CAPN10: variants seen among roughly 807,000 people sequenced by gnomAD.
The protein encoded by CAPN10 is calpain 10.
Under a neutral mutation model 78.4 loss-of-function variants are expected in CAPN10, and 71 were observed. The ratio of observed to expected loss-of-function variants is 0.91; its 90% CI spans 0.75 to 1.10. CAPN10 has a LOEUF of 1.10. CAPN10 is among the 50% of genes least tolerant of loss of function. CAPN10 has a pLI of 0.00. For missense variants in CAPN10, 849 were observed against 924.6 expected (o/e 0.92, Z 1.06); for synonymous variants, 437 against 407.2 (o/e 1.07, Z -0.88).
chr2:240,592,616 G>T (rs1021017715), intron 4 of CAPN10: 5 of 404,176 alleles, frequency 1.2e-5, no homozygotes, highest in Non-Finnish European at 2.5e-5. Flanking sequence ...CAAGAGACCC[G>T]CCTGGGCAAC....
rs1297865213 is a variant in CAPN10, at chr2:240,598,772, G to C, written c.*92G>C. ...GGCCGGCCAGCCTTGCACTGTGGGG[G>C]CTGGTCCTGAGTCTTGGCCTGCCTC... is the stretch of plus-strand genomic sequence containing the variant. On this transcript the variant is annotated 3_prime_UTR_variant, in exon 12 of 12. Coordinates refer to ENST00000391984, the MANE Select transcript of CAPN10 (RefSeq NM_023083.4). 1.3e-5 allele frequency: 16 copies of C among 1,263,800 alleles called. No homozygotes were observed. Among genetic ancestry groups the C allele is most frequent in the Non-Finnish European group, 1.7e-5 (15 of 886,774 alleles). The allele number at this position is 1,263,800 out of a possible 1,614,324, so 78.3% of individuals were successfully genotyped here. A position where few individuals can be genotyped will look rare whatever the true frequency, so the allele number is the denominator to read the frequency against.
chr2:240,590,590 T>G (rs1298839620), intron 2 of CAPN10: 1 of 521,876 alleles, frequency 1.9e-6, no homozygotes, highest in African/African-American at 1.9e-5. Context: ...GACATCCAGG[T>G]GTGCCGTAGA....
At position 240,596,697 on chromosome 2, in the gene CAPN10, G is replaced by T. The variant is rs201527381; in HGVS notation, c.1498G>T (p.Ala500Ser). ...RVSLSAIRAV[A>S]KNTTPGAALP... is the part of the protein sequence containing the mutation. The stretch of plus-strand genomic sequence containing the variant: ...TCTTGGCAGCGCCATCAGGGCAGTG[G>T]CCAAGAACACCACCCCCGGGGCAGC... The change falls in exon 9 of 12, where the codon GCC becomes TCC. Residue 500 changes from alanine to serine, a missense_variant. Physicochemically the swap from Ala to Ser is moderately conservative, Grantham distance 99 (BLOSUM62 1). Transcript: ENST00000391984. 6.4e-7 allele frequency: 1 copy of T among 1,557,626 alleles called. No individual in the cohort carries two copies. Among genetic ancestry groups the T allele is most frequent in the Non-Finnish European group, 8.7e-7 (1 of 1,151,290 alleles).
In CAPN10 at chr2:240,596,930, C is replaced by G. The variant is rs746714617; in HGVS notation, c.1731C>G (p.Phe577Leu). The G allele has an allele frequency of 6.2e-7, 1 of 1,613,536 alleles. No individual in the cohort carries two copies. Among genetic ancestry groups the G allele is most frequent in the Non-Finnish European group, 8.5e-7 (1 of 1,180,038 alleles). The change falls in exon 9 of 12, where the codon TTC becomes TTG. Residue 577 changes from phenylalanine (F) to leucine (L), a missense_variant. By Grantham distance (22) the Phe-to-Leu change is conservative. Transcript: ENST00000391984. Reference sequence around the variant, plus strand: ...ACACCGAGTTCCACCCCATCGGCTTCCATATCTTCCAGGCAAGCTCCTTGC... The same window carrying G: ...ACACCGAGTTCCACCCCATCGGCTTGCATATCTTCCAGGCAAGCTCCTTGC... ...PSDTEFHPIG[F>L]HIFQVPEGGR...
chr2:240,596,222 A>C, intron 7 of CAPN10, 97 bp from the exon 8 acceptor site: 1 of 1,484,656 alleles, frequency 6.7e-7, no homozygotes, highest in Non-Finnish European at 9.0e-7. Context: ...TTCATCTGTC[A>C]ACTCCAGAGG....
intron 3 of CAPN10, chr2:240,591,297 C>T (rs922901709): frequency 7.9e-6 from 3 of 377,598 alleles, no homozygotes; most frequent in Non-Finnish European, 4.8e-6. Flanking sequence ...TTTATCGGCC[C>T]CAGCAAGAAA....
At chr2:240,593,307 G>A (rs1410457203) in intron 4 of CAPN10, among the ~76,000 whole-genome samples, 5 of 152,232 alleles carry the variant, frequency 3.3e-5, no homozygotes, top group Admixed American at 6.5e-5. Context: ...GGGCCGCGGC[G>A]TGGGCGAGAC....
intron 7 of CAPN10, chr2:240,596,020 T>G (rs896360933): frequency 1.4e-6 from 2 of 1,475,732 alleles, no homozygotes; most frequent in African/African-American, 2.8e-5. Flanking sequence ...AAGAAGTTGC[T>G]GGAAGGCCCA....
rs545476361 is a variant in CAPN10 at position 240,593,345 on chromosome 2, C to G, written c.689-561C>G. Among the ~76,000 whole-genome samples, 6 of 152,360 alleles carry G rather than the reference C, an allele frequency of 3.9e-5. No homozygotes were observed. In the East Asian group the frequency reaches 1.2e-3, roughly 29 times the overall value. On this transcript the variant is annotated intron_variant, in intron 4 of 11. Transcript: ENST00000391984. ...AAGTCCTTCCAGGAGACCCTCCTCT[C>G]TAGACCGTTGCCCCGCCACAGATGT...
chr2:240,590,787 G>A (rs576389638), intron 2 of CAPN10, 28 bp from the exon 3 acceptor site: 18 of 1,608,118 alleles, frequency 1.1e-5, no homozygotes, highest in South Asian at 3.3e-5. Context: ...TATCACGCTC[G>A]CCTTTTGCTT....
chr2:240,593,511 G>A (rs2093116409), intron 4 of CAPN10, among the ~76,000 whole-genome samples: 1 of 152,252 alleles, frequency 6.6e-6, no homozygotes, highest in South Asian at 2.1e-4. Context: ...CCTACCTCTA[G>A]CAGGCTTTGC....
chr2:240,597,623 C>T (rs867609533), intron 9 of CAPN10, among the ~76,000 whole-genome samples: 11 of 152,262 alleles, frequency 7.2e-5, no homozygotes, highest in Middle Eastern at 3.4e-3. Flanking sequence ...AGTGGGAGCC[C>T]TTGGGGCGGG....
intron 3 of CAPN10, chr2:240,591,315 C>T (rs2093100627): frequency 2.8e-6 from 1 of 353,266 alleles, no homozygotes; most frequent in Non-Finnish European, 5.2e-6. Context: ...AAAGATGCTT[C>T]TTTATATTTG....
rs749437202 is a variant in CAPN10, at chr2:240,598,833, C to T, written c.*153C>T. On this transcript the variant is annotated 3_prime_UTR_variant, in exon 12 of 12. Transcript: ENST00000391984. ...CAGGAGGCTGCGGCCTAGGGGTCCA[C>T]GGGAAGCCTCCGTCAGGAGAGACGC... 6.3e-5 allele frequency: 44 copies of T among 702,726 alleles called. No homozygotes were observed. The highest frequency in any genetic ancestry group is 2.1e-4 in the African/African-American group (12 of 56,058). The allele number at this position is 702,726 out of a possible 1,614,324, so 43.5% of individuals were successfully genotyped here. A position where few individuals can be genotyped will look rare whatever the true frequency, so the allele number is the denominator to read the frequency against.
intron 1 of CAPN10, among the ~76,000 whole-genome samples, chr2:240,588,747 G>C (rs1308739815): frequency 6.6e-6 from 1 of 152,152 alleles, no homozygotes; most frequent in East Asian, 1.9e-4. Context: ...GAAGCCTGAA[G>C]GAGACTATGG....
intron 9 of CAPN10, 25 bp downstream of exon 9, chr2:240,596,967 A>AG: frequency 6.2e-7 from 1 of 1,612,904 alleles, no homozygotes; most frequent in Non-Finnish European, 8.5e-7. Context: ...CCAGGGAGGG[A>AG]GGGGGAGCAG....
At chr2:240,592,554 A>G in intron 4 of CAPN10, 2 of 470,776 alleles carry the variant, frequency 4.2e-6, no homozygotes, top group Non-Finnish European at 8.8e-6. Flanking sequence ...CACACCTGTA[A>G]TCCCAGAACT....
intron 4 of CAPN10, chr2:240,592,548 C>T: frequency 2.1e-6 from 1 of 473,666 alleles, no homozygotes; most frequent in Non-Finnish European, 4.4e-6. Context: ...GTGGCTCACA[C>T]CTGTAATCCC....
intron 2 of CAPN10, 32 bp from the exon 3 acceptor site, chr2:240,590,783 G>A (rs368345808): frequency 1.3e-5 from 21 of 1,605,780 alleles, no homozygotes; most frequent in African/African-American, 9.3e-5. Flanking sequence ...CTTATATCAC[G>A]CTCGCCTTTT....
Sources: allele counts gnomAD v4.1 joint callset (sites outside exome capture counted in the v4.1 genomes callset), GRCh38; gene constraint gnomAD v4.1.1; transcripts MANE v1.5; gene names NCBI Gene and HGNC (gene_info 2026-07-23, HGNC 2026-07-21).